Variants in LPIN1 observed in about 807,000 individuals in gnomAD.
LPIN1 encodes lipin 1, also known as phosphatidate phosphatase LPIN1.
Under a neutral mutation model 107.5 loss-of-function variants are expected in LPIN1, and 71 were observed. That is an observed-to-expected ratio of 0.66 (90% CI 0.55 to 0.80). The LOEUF is 0.80. Among genes scored for constraint, LPIN1 ranks in the 30% least tolerant of loss-of-function variants. The pLI is 0.00. For missense variants in LPIN1, 1,043 were observed against 1,160.6 expected (o/e 0.90, Z 1.47); for synonymous variants, 445 against 452.6 (o/e 0.98, Z 0.21).
intron 18 of LPIN1, among the ~76,000 whole-genome samples, chr2:11,815,618 GC>G (rs1680445063): frequency 6.6e-6 from 1 of 151,972 alleles, no homozygotes. Context: ...TTCTTGAGTG[GC>G]CTGGCTGAAT....
intron 1 of LPIN1, among the ~76,000 whole-genome samples, chr2:11,691,048 G>A (rs928516540): frequency 1.1e-4 from 16 of 150,900 alleles, no homozygotes; most frequent in Non-Finnish European, 2.1e-4. Flanking sequence ...TTTTGCTTGA[G>A]GGCTCATTTT....
intron 1 of LPIN1, among the ~76,000 whole-genome samples, chr2:11,761,549 A>G (rs534161633): frequency 6.6e-6 from 1 of 152,148 alleles, no homozygotes; most frequent in African/African-American, 2.4e-5. Context: ...AAATTGTAAA[A>G]TGAACCTGGG....
chr2:11,813,541 A>G (rs953190284), intron 17 of LPIN1, among the ~76,000 whole-genome samples: 3 of 152,090 alleles, frequency 2.0e-5, no homozygotes, highest in Admixed American at 1.3e-4. Context: ...TCTTTTTTTT[A>G]TAATAGACTT....
At chr2:11,693,810 A>T (rs1299175396) in intron 1 of LPIN1, among the ~76,000 whole-genome samples, 3 of 30,074 alleles carry the variant, frequency 1.0e-4, no homozygotes, top group Non-Finnish European at 2.3e-4. Context: ...ATATATATAT[A>T]TATATATATA....
At chr2:11,769,589 T>A (rs1355416485) in intron 3 of LPIN1, among the ~76,000 whole-genome samples, 1 of 151,720 alleles carries the variant, frequency 6.6e-6, no homozygotes, top group Non-Finnish European at 1.5e-5. Context: ...TAATGAAGTC[T>A]AATTTTTTTT....
chr2:11,787,524 G>A (rs932763742), intron 11 of LPIN1, among the ~76,000 whole-genome samples: 2 of 149,818 alleles, frequency 1.3e-5, no homozygotes, highest in Non-Finnish European at 3.0e-5. Flanking sequence ...CCTCCGCCTC[G>A]CAAAGTGCTG....
intron 2 of LPIN1, among the ~76,000 whole-genome samples, chr2:11,716,258 C>A (rs1168255817): frequency 6.6e-6 from 1 of 152,066 alleles, no homozygotes; most frequent in Non-Finnish European, 1.5e-5. Context: ...TCCTTCTATC[C>A]CGGCATTGAT....
chr2:11,747,827 T>C (rs571711928), intron 1 of LPIN1, among the ~76,000 whole-genome samples: 1 of 152,338 alleles, frequency 6.6e-6, no homozygotes, highest in Non-Finnish European at 1.5e-5. Flanking sequence ...CAGCATTTGT[T>C]ATTGAGTGTT....
In LPIN1 at chr2:11,783,859, G is replaced by A; in HGVS notation, c.1295G>A (p.Gly432Asp). The A allele has an allele frequency of 6.2e-7, 1 of 1,614,174 alleles. No homozygotes were observed. Among genetic ancestry groups the A allele is most frequent in the Non-Finnish European group, 8.5e-7 (1 of 1,180,024 alleles). ...DKRSRHLGADGVYLDDLTDMD... is the reference protein window; with the variant it reads ...DKRSRHLGADDVYLDDLTDMD... ...CGAAGCCGACATCTTGGTGCTGACG[G>A]CGTCTACTTGGATGACCTCACAGAC... is the stretch of plus-strand genomic sequence containing the variant. Residue 432 changes from glycine to aspartate, a missense_variant, in exon 9 of 21, where the codon GGC (glycine) becomes GAC (aspartate). Coordinates refer to ENST00000674199, the MANE Select transcript of LPIN1 (RefSeq NM_001349206.2).
At chr2:11,822,641 T>C (rs1681741705) in intron 20 of LPIN1, among the ~76,000 whole-genome samples, 1 of 152,132 alleles carries the variant, frequency 6.6e-6, no homozygotes, top group Non-Finnish European at 1.5e-5. Flanking sequence ...CCTGCCTCCA[T>C]GATTCAGTTA....
chr2:11,785,706 A>C (rs990726624), intron 10 of LPIN1, among the ~76,000 whole-genome samples: 4 of 151,860 alleles, frequency 2.6e-5, no homozygotes, highest in Non-Finnish European at 4.4e-5. Context: ...TCTAGCAGGG[A>C]AGGGGCCGAG....
At chr2:11,777,703 T>C (rs1337198816) in intron 6 of LPIN1, among the ~76,000 whole-genome samples, 7 of 152,232 alleles carry the variant, frequency 4.6e-5, no homozygotes, top group African/African-American at 1.7e-4. Context: ...CTGGGCTCTT[T>C]ACAGAAAATG....
intron 14 of LPIN1, among the ~76,000 whole-genome samples, chr2:11,799,655 C>A (rs762386002): frequency 2.2e-4 from 33 of 152,098 alleles, no homozygotes; most frequent in Non-Finnish European, 3.8e-4. Context: ...CCCACTGAGG[C>A]CCAGGGAGGA....
Position 11,786,598 on chromosome 2 carries a change from TACG to T in LPIN1, c.1550-473_1550-471del, listed in dbSNP as rs565634944. On this transcript the variant is annotated intron_variant, in intron 10 of 20. Coordinates refer to ENST00000674199, the MANE Select transcript of LPIN1 (RefSeq NM_001349206.2). This position sits in a 1 kb window ranked among gnomAD's most constrained non-coding sequence, Gnocchi z 4.1. Reference sequence around the variant, plus strand: ...TTGAAAGGGCCCTGTGCTTTCTATTTACGACATTATCAGTCCCCATGACCACCC... The same window carrying T: ...TTGAAAGGGCCCTGTGCTTTCTATTTACATTATCAGTCCCCATGACCACCC... 3.3e-5 allele frequency among the ~76,000 whole-genome samples: 5 copies of T among 152,290 alleles called. No individual in the cohort carries two copies. In the South Asian group the frequency reaches 8.3e-4, roughly 25 times the overall value.
intron 1 of LPIN1, among the ~76,000 whole-genome samples, chr2:11,729,158 G>T (rs1192604541): frequency 6.6e-6 from 1 of 152,188 alleles, no homozygotes; most frequent in East Asian, 1.9e-4. Context: ...GGGAACGGGG[G>T]CAAGAGGAGG....
At chr2:11,758,090 G>A (rs926501237) in intron 1 of LPIN1, among the ~76,000 whole-genome samples, 4 of 152,210 alleles carry the variant, frequency 2.6e-5, no homozygotes, top group African/African-American at 9.7e-5. Flanking sequence ...ACAGTAGCAT[G>A]TATCAGAATT....
Position 11,696,603 on chromosome 2 carries a change from A to G in LPIN1, c.82-17153A>G, listed in dbSNP as rs117547668. On this transcript the variant is annotated intron_variant, in intron 1 of 21. Transcript: ENST00000449576. ...AGTGAGTGGGGATGGCTGGCGAGCA[A>G]GGTGTCTGTAGGGCAGCACAGGATG... 2.7e-3 allele frequency among the ~76,000 whole-genome samples: 405 copies of G among 152,230 alleles called. 8 individuals are homozygous for G. In the East Asian group the frequency reaches 0.044, roughly 17 times the overall value.
intron 1 of LPIN1, chr2:11,682,503 C>G (rs941918497): frequency 1.3e-5 from 2 of 152,530 alleles, no homozygotes; most frequent in Non-Finnish European, 2.9e-5. Context: ...CTTCAAGGCC[C>G]AGTTCAAATG....
intron 1 of LPIN1, among the ~76,000 whole-genome samples, chr2:11,733,964 G>A (rs1001374509): frequency 3.9e-5 from 6 of 152,218 alleles, no homozygotes; most frequent in Admixed American, 2.6e-4. Context: ...TCTTGACAAA[G>A]TCACACAGCT....
Sources: allele counts gnomAD v4.1 joint callset (sites outside exome capture counted in the v4.1 genomes callset), GRCh38; gene constraint gnomAD v4.1.1; non-coding constraint Gnocchi (gnomAD v3.1); transcripts MANE v1.5; gene names NCBI Gene and HGNC (gene_info 2026-07-23, HGNC 2026-07-21).